CST11: variants seen among roughly 807,000 people sequenced by gnomAD.
CST11 encodes the protein cystatin 11.
In CST11, 13 loss-of-function variants were observed where a neutral mutation model predicts 14.0. The ratio of observed to expected loss-of-function variants is 0.93; its 90% CI spans 0.60 to 1.47. The LOEUF (loss-of-function observed/expected upper bound fraction) is 1.47, where lower values mean the gene tolerates loss of function less well. Among genes scored for constraint, CST11 ranks in the 40% most tolerant of loss-of-function variants. The probability of loss-of-function intolerance (pLI) is 0.00; values close to 1 mark genes in which losing one functional copy is unlikely to be tolerated. For synonymous variants in CST11, 64 were observed against 57.8 expected, an observed-to-expected ratio of 1.11 and a Z score of -0.48; for missense variants, 181 against 160.0, an observed-to-expected ratio of 1.13 and a Z score of -0.71.
Position 23,451,880 on chromosome 20 carries a change from T to C in CST11, c.269A>G (p.Gln90Arg), listed in dbSNP as rs750229124. ...HLEYHLNVEM[Q>R]WTTCQKPETT... is the part of the protein sequence containing the mutation. Reference sequence around the variant, plus strand: ...CTCTGGCTTTTGGCAGGTGGTCCACTGCATTTCCACATTCAGGTGATACTC... The same window carrying C: ...CTCTGGCTTTTGGCAGGTGGTCCACCGCATTTCCACATTCAGGTGATACTC... The change falls in exon 2 of 3, where the codon CAG (glutamine) becomes CGG (arginine). Residue 90 changes from glutamine (Q) to arginine (R), a missense_variant. Gln to Arg is a conservative substitution (Grantham distance 43). Coordinates refer to ENST00000377009, the MANE Select transcript of CST11 (RefSeq NM_130794.2). 1.4e-5 allele frequency: 22 copies of C among 1,614,072 alleles called. No individual in the cohort carries two copies. Among genetic ancestry groups the C allele is most frequent in the Non-Finnish European group, 1.8e-5 (21 of 1,179,946 alleles).
At position 23,450,578 on chromosome 20, in the gene CST11, G is replaced by A. The variant is rs1987059165; in HGVS notation, c.345C>T (p.Cys115=). ...QERELHKQVN[C]FFSVFAVPWF... is the part of the protein sequence containing the mutation. Reference sequence around the variant, plus strand: ...AGGGTACAGCAAACACTGAGAAGAAGCAGTTGACTTGCTAAAACAAAAAAC... The same window carrying A: ...AGGGTACAGCAAACACTGAGAAGAAACAGTTGACTTGCTAAAACAAAAAAC... The change falls in exon 3 of 3, where the codon TGC becomes TGT. Residue 115 remains cysteine (C), a synonymous_variant. Coordinates refer to ENST00000377009, the MANE Select transcript of CST11 (RefSeq NM_130794.2). 1 of 1,608,018 alleles carries A rather than the reference G, an allele frequency of 6.2e-7. No homozygotes were observed. The highest frequency in any genetic ancestry group is 8.5e-7 in the Non-Finnish European group (1 of 1,175,982).
At position 23,452,572 on chromosome 20, in the gene CST11, T is replaced by G. The variant is rs1600276794; in HGVS notation, c.228+12A>C. The stretch of plus-strand genomic sequence containing the variant: ...ATCAGGCCTGGGGAGAGGCGGGAAG[T>G]CATACACTCACCTGCCTCTGGACTT... On this transcript the variant is annotated intron_variant, in intron 1 of 2. Coordinates refer to ENST00000377009, the MANE Select transcript of CST11 (RefSeq NM_130794.2). The G allele has an allele frequency of 6.4e-7, 1 of 1,557,430 alleles. No individual in the cohort carries two copies. The highest frequency in any genetic ancestry group is 1.1e-5 in the South Asian group (1 of 89,916).
intron 2 of CST11, 114 bp from the exon 3 acceptor site, chr20:23,450,703 A>G (rs1412889391): frequency 2.1e-5 from 13 of 618,994 alleles, no homozygotes; most frequent in Admixed American, 8.5e-5. Context: ...CTCCACCCCT[A>G]CAATCCTATT....
At chr20:23,452,507 G>A in intron 1 of CST11, 77 bp downstream of exon 1, 2 of 877,562 alleles carry the variant, frequency 2.3e-6, no homozygotes, top group Non-Finnish European at 3.9e-6. Context: ...TCCCTTGAGT[G>A]GGACTATTCC....
intron 2 of CST11, 141 bp from the exon 3 acceptor site, chr20:23,450,730 G>T: frequency 1.9e-6 from 1 of 525,470 alleles, no homozygotes. Flanking sequence ...CAAACAGAAG[G>T]ACATTTTCTG....
In CST11 at chr20:23,451,907, A is replaced by C; in HGVS notation, c.242T>G (p.Leu81Arg). The change falls in exon 2 of 3, where the codon CTG becomes CGG. Residue 81 changes from leucine (L) to arginine (R), a missense_variant. Coordinates refer to ENST00000377009, the MANE Select transcript of CST11 (RefSeq NM_130794.2). ...LKVQRQVTDH[L>R]EYHLNVEMQW... ...CATTTCCACATTCAGGTGATACTCC[A>C]GGTGGTCAGTGACCTGTGGGCGCCA... The C allele has an allele frequency of 6.2e-7, 1 of 1,613,792 alleles. No individual in the cohort carries two copies. The highest frequency in any genetic ancestry group is 8.5e-7 in the Non-Finnish European group (1 of 1,179,728).
Position 23,452,610 on chromosome 20 carries a change from A to G in CST11, c.202T>C (p.Phe68Leu). The G allele has an allele frequency of 6.2e-7, 1 of 1,613,440 alleles. No homozygotes were observed. ...ESDDKYHFRIFRVLKVQRQVT... is the reference protein window; with the variant it reads ...ESDDKYHFRILRVLKVQRQVT... ...TGCCTCTGGACTTTAAGGACTCGGA[A>G]GATCCTGAAGTGGTACTTGTCATCA... Residue 68 changes from phenylalanine (F) to leucine (L), a missense_variant, in exon 1 of 3, where the codon TTC becomes CTC. Transcript: ENST00000377009.
intron 1 of CST11, among the ~76,000 whole-genome samples, chr20:23,452,126 TC>T (rs1987110295): frequency 6.6e-6 from 1 of 152,202 alleles, no homozygotes; most frequent in African/African-American, 2.4e-5. Flanking sequence ...ACATGAACTT[TC>T]CCCCTGGGCA....
intron 2 of CST11, among the ~76,000 whole-genome samples, 200 bp downstream of exon 2, chr20:23,451,616 C>T (rs1158629215): frequency 1.3e-5 from 2 of 152,210 alleles, no homozygotes; most frequent in African/African-American, 2.4e-5. Context: ...CCTCCTCACA[C>T]TCCTTCCAGC....
intron 1 of CST11, among the ~76,000 whole-genome samples, chr20:23,452,340 C>T (rs745903111): frequency 3.3e-5 from 5 of 152,192 alleles, no homozygotes; most frequent in Admixed American, 6.5e-5. Context: ...CACAAGAACA[C>T]GACTTACAAA....
At chr20:23,451,571 C>T (rs1028381854) in intron 2 of CST11, among the ~76,000 whole-genome samples, 2 of 152,152 alleles carry the variant, frequency 1.3e-5, no homozygotes, top group East Asian at 1.9e-4. Context: ...CCCTGCAGCT[C>T]GGCCACCTCA....
rs6114090 is a variant in CST11 at position 23,451,997 on chromosome 20, G to A, written c.229-77C>T. On this transcript the variant is annotated intron_variant, in intron 1 of 2. Transcript: ENST00000377009. ...TGCGGTTTCTGTGCCTGGGGGCTCC[G>A]CTACCCCACGTCCAAGGGCAAGGAG... The A allele has an allele frequency of 3.5e-3, 3,683 of 1,042,166 alleles. 81 individuals are homozygous for A. In the African/African-American group the frequency reaches 0.045, roughly 13 times the overall value. 64.6% of individuals were successfully genotyped at this position (1,042,166 alleles called of 1,614,324 possible).
intron 2 of CST11, among the ~76,000 whole-genome samples, chr20:23,451,313 C>T (rs1987081166): frequency 6.6e-6 from 1 of 152,170 alleles, no homozygotes; most frequent in Admixed American, 6.5e-5. Context: ...CCCAGCAGAG[C>T]ACACGCATGC....
rs1310834452 is a variant in CST11, at chr20:23,452,784, G to A, written c.28C>T (p.Gln10Ter). Residue 10 changes from glutamine to a stop codon, truncating the protein, a stop_gained, in exon 1 of 3, where the codon CAG becomes TAG. Transcript: ENST00000377009. LOFTEE classifies it high-confidence loss of function. MMAEPWQALQLLLAILLTLM... is the reference protein window; with the variant it reads MMAEPWQAL The stretch of plus-strand genomic sequence containing the variant: ...GTCAATAGAATGGCCAACAGGAGCT[G>A]TAGGGCCTGCCAGGGCTCAGCCATC... 3 of 1,614,042 alleles carry A rather than the reference G, an allele frequency of 1.9e-6. No homozygotes were observed. The South Asian group carries it at 3.3e-5, about 18-fold the overall frequency.
chr20:23,452,130 C>T (rs182359096), intron 1 of CST11, among the ~76,000 whole-genome samples: 4 of 152,350 alleles, frequency 2.6e-5, no homozygotes, highest in Admixed American at 2.0e-4. Context: ...GAACTTTCCC[C>T]CTGGGCAAAT....
rs566287886 is a variant in CST11 at position 23,452,700 on chromosome 20, T to C, written c.112A>G (p.Met38Val). Residue 38 changes from methionine (M) to valine (V), a missense_variant, in exon 1 of 3, where the codon ATG (methionine) becomes GTG (valine). By Grantham distance (21) the Met-to-Val change is conservative. Transcript: ENST00000377009. ...TCCTTCGCATAGTTTTCTACTGCCATCACTTCATGGACGCTTAGAAAGGTT... is the reference window on the plus strand; with the variant it reads ...TCCTTCGCATAGTTTTCTACTGCCACCACTTCATGGACGCTTAGAAAGGTT... ...KKTFLSVHEV[M>V]AVENYAKDSL... 9 of 1,614,048 alleles carry C rather than the reference T, an allele frequency of 5.6e-6. No homozygotes were observed. The East Asian group carries it at 2.0e-4, about 36-fold the overall frequency.
rs1337296331 is a variant in CST11 at position 23,450,460 on chromosome 20, A to C, written c.*46T>G. The C allele has an allele frequency of 8.0e-7, 1 of 1,247,898 alleles. No homozygotes were observed. The highest frequency in any genetic ancestry group is 1.1e-6 in the Non-Finnish European group (1 of 874,864). 77.3% of individuals were successfully genotyped at this position (1,247,898 alleles called of 1,614,324 possible). On this transcript the variant is annotated 3_prime_UTR_variant, in exon 3 of 3. Coordinates refer to ENST00000377009, the MANE Select transcript of CST11 (RefSeq NM_130794.2). ...TATATTAAGGATTATTGCCCATTGCAGGATTCTCTCACATGCAGTGGCCGC... is the reference window on the plus strand; with the variant it reads ...TATATTAAGGATTATTGCCCATTGCCGGATTCTCTCACATGCAGTGGCCGC...
rs757151928 is a variant in CST11 at position 23,450,602 on chromosome 20, A to T, written c.334-13T>A. ...AGCAGTTGACTTGCTAAAACAAAAA[A>T]CAAAGGCAATATTTTAAAAGACGCC... On this transcript the variant is annotated splice_polypyrimidine_tract_variant and intron_variant, in intron 2 of 2. Coordinates refer to ENST00000377009, the MANE Select transcript of CST11 (RefSeq NM_130794.2). The T allele has an allele frequency of 6.3e-6, 10 of 1,598,206 alleles. No individual in the cohort carries two copies. In the Admixed American group the frequency reaches 1.5e-4, roughly 24 times the overall value.
At position 23,450,424 on chromosome 20, in the gene CST11, C is replaced by T; in HGVS notation, c.*82G>A. 2.4e-6 allele frequency: 2 copies of T among 847,850 alleles called. No homozygotes were observed. The highest frequency in any genetic ancestry group is 2.4e-4 in the Middle Eastern group (1 of 4,246). 52.5% of individuals were successfully genotyped at this position (847,850 alleles called of 1,614,324 possible). A position where few individuals can be genotyped will look rare whatever the true frequency, so the allele number is the denominator to read the frequency against. On this transcript the variant is annotated 3_prime_UTR_variant, in exon 3 of 3. Coordinates refer to ENST00000377009, the MANE Select transcript of CST11 (RefSeq NM_130794.2). ...GATCTTAAGAGAATATGTTGACAAA[C>T]ATTTATTGCCTATATTAAGGATTAT...
Sources: gnomAD v4.1 joint callset for allele counts (sites outside exome capture counted in the v4.1 genomes callset) on GRCh38, gnomAD v4.1.1 for gene constraint, MANE v1.5 for transcripts, NCBI Gene and HGNC (gene_info 2026-07-23, HGNC 2026-07-21) for gene names.